Variants in SPRY3 observed in about 807,000 individuals in gnomAD.
The protein encoded by SPRY3 is sprouty RTK signaling antagonist 3, also known as protein sprouty homolog 3.
Under a neutral mutation model 20.2 loss-of-function variants are expected in SPRY3, and 15 were observed. That is an observed-to-expected ratio of 0.74 (90% CI 0.50 to 1.14). SPRY3 has a LOEUF of 1.14. SPRY3 is among the 50% of genes most tolerant of loss of function. The pLI, the probability that SPRY3 is intolerant of heterozygous loss-of-function variation, is 0.00. For missense variants in SPRY3, 364 were observed against 363.9 expected, an observed-to-expected ratio of 1.00 and a Z score of 0.00; for synonymous variants, 143 against 136.5, an observed-to-expected ratio of 1.05 and a Z score of -0.33.
At chrX:155,684,227 T>C (rs764193499) in intron 2 of SPRY3, among the ~76,000 whole-genome samples, 1 of 110,945 alleles carries the variant, frequency 9.0e-6, no homozygotes, top group South Asian at 3.9e-4. Context: ...TCCTTTTTGC[T>C]TCCTGAATAT....
At chrX:155,655,727 T>G (rs1204322906) in intron 1 of SPRY3, among the ~76,000 whole-genome samples, 2 of 111,516 alleles carry the variant, frequency 1.8e-5, no homozygotes, top group African/African-American at 6.5e-5. Flanking sequence ...CGTGCTGTTT[T>G]TGCAGTGACT....
At chrX:155,632,344 C>T (rs2067909396) in intron 1 of SPRY3, among the ~76,000 whole-genome samples, 1 of 110,738 alleles carries the variant, frequency 9.0e-6, no homozygotes, top group Admixed American at 9.6e-5. Context: ...CTGTATTAGT[C>T]GCCTAGTGCT....
In SPRY3 at chrX:155,708,099, A is replaced by T. The variant is rs183763445; in HGVS notation, c.-282+51074A>T. On this transcript the variant is annotated intron_variant, in intron 2 of 3. Coordinates refer to ENST00000675360, the Ensembl canonical transcript of SPRY3. Reference sequence around the variant, plus strand: ...TATTTTGTTAATGGCTGCTCCAGGGATTACAATATGGCTCTTAATTTATCA... The same window carrying T: ...TATTTTGTTAATGGCTGCTCCAGGGTTTACAATATGGCTCTTAATTTATCA... Among the ~76,000 whole-genome samples, 192 of 151,200 alleles carry T rather than the reference A, an allele frequency of 1.3e-3. No homozygotes were observed. In the East Asian group the frequency reaches 0.034, roughly 26 times the overall value.
intron 2 of SPRY3, among the ~76,000 whole-genome samples, chrX:155,767,012 T>C (rs2091335238): frequency 6.6e-6 from 1 of 152,098 alleles, no homozygotes; most frequent in Admixed American, 6.5e-5. Context: ...TTGGTAGAAA[T>C]GTGATTGGCA....
intron 2 of SPRY3, among the ~76,000 whole-genome samples, chrX:155,727,662 G>A (rs970938934): frequency 2.0e-5 from 3 of 152,076 alleles, no homozygotes; most frequent in Non-Finnish European, 4.4e-5. Flanking sequence ...GTCATGTAAG[G>A]TCTTCTCTAC....
chrX:155,679,040 C>A (rs189626042), intron 2 of SPRY3, among the ~76,000 whole-genome samples: 1 of 110,279 alleles, frequency 9.1e-6, no homozygotes, highest in Admixed American at 9.7e-5. Context: ...CACACCAGGG[C>A]CTGTAGGGGC....
intron 2 of SPRY3, among the ~76,000 whole-genome samples, chrX:155,683,371 C>T (rs777912411): frequency 1.5e-4 from 17 of 111,990 alleles, no homozygotes; most frequent in Non-Finnish European, 2.4e-4. Flanking sequence ...CAACCACCAC[C>T]CTGATCAGTC....
At chrX:155,774,171 G>A in exon 4 of SPRY3, 1 of 1,613,958 alleles carries the variant, frequency 6.2e-7, no homozygotes, top group Non-Finnish European at 8.5e-7. Flanking sequence ...AAAGGCTCTT[G>A]GCCAGCATTA....
chrX:155,776,382 G>T (rs1280075789), exon 4 of SPRY3: 1 of 167,096 alleles, frequency 6.0e-6, no homozygotes, highest in Non-Finnish European at 1.5e-5. Context: ...GCAGCTGCCT[G>T]AGAACTTAAA....
chrX:155,781,831 G>C (rs1474379188), exon 2 of SPRY3: 3 of 166,224 alleles, frequency 1.8e-5, no homozygotes, highest in Non-Finnish European at 4.4e-5. Flanking sequence ...GTGTCTACCT[G>C]ATAGCATGTA....
intron 1 of SPRY3, among the ~76,000 whole-genome samples, chrX:155,629,772 A>T (rs1557350276): frequency 8.9e-6 from 1 of 112,242 alleles, no homozygotes; most frequent in Non-Finnish European, 1.9e-5. Flanking sequence ...TTTTTAAATC[A>T]GGTTATTTGT....
chrX:155,765,619 A>G (rs1300925603), intron 2 of SPRY3, among the ~76,000 whole-genome samples: 1 of 152,146 alleles, frequency 6.6e-6, no homozygotes, highest in Non-Finnish European at 1.5e-5. Context: ...CATCAATTTA[A>G]CTTTTTTTGT....
rs182782253 is a variant in SPRY3 at position 155,772,545 on chromosome X, G to A, written c.-106-1221G>A. 5.9e-4 allele frequency among the ~76,000 whole-genome samples: 90 copies of A among 152,058 alleles called. 1 individual carries two copies. Among genetic ancestry groups the A allele is most frequent in the South Asian group, 1.0e-3 (5 of 4,802 alleles). On this transcript the variant is annotated intron_variant, in intron 3 of 3. Coordinates refer to ENST00000675360, the Ensembl canonical transcript of SPRY3. The stretch of plus-strand genomic sequence containing the variant: ...TTTATTCATGCTAGTGTTTTGCTAC[G>A]TCCTAATGCCTCCAGGATGTTTCCT...
intron 2 of SPRY3, among the ~76,000 whole-genome samples, chrX:155,706,254 C>G (rs1375675375): frequency 6.6e-6 from 1 of 151,176 alleles, no homozygotes; most frequent in African/African-American, 2.4e-5. Flanking sequence ...CAACATCCAT[C>G]TAAGTCACCC....
chrX:155,736,040 C>G (rs1483657878), intron 2 of SPRY3, among the ~76,000 whole-genome samples: 2 of 151,880 alleles, frequency 1.3e-5, no homozygotes, highest in Non-Finnish European at 2.9e-5. Flanking sequence ...TAATCTAAAT[C>G]TACTTTCAAA....
intron 1 of SPRY3, among the ~76,000 whole-genome samples, chrX:155,628,019 G>A (rs1420794919): frequency 9.0e-6 from 1 of 111,533 alleles, no homozygotes; most frequent in Non-Finnish European, 1.9e-5. Flanking sequence ...AGTATTCCAT[G>A]GTGTATATGT....
chrX:155,625,405 A>G (rs1325207685), intron 1 of SPRY3, among the ~76,000 whole-genome samples: 3 of 111,789 alleles, frequency 2.7e-5, no homozygotes, highest in Middle Eastern at 8.5e-3. Context: ...AAACTGTTTT[A>G]TTCAATATAA....
intron 2 of SPRY3, among the ~76,000 whole-genome samples, chrX:155,716,709 T>G (rs1478888765): frequency 1.3e-5 from 2 of 152,038 alleles, no homozygotes; most frequent in Non-Finnish European, 2.9e-5. Flanking sequence ...ATCATAACTT[T>G]TTTTTAATCC....
chrX:155,616,128 C>CTCCT (rs1557348853), intron 1 of SPRY3, among the ~76,000 whole-genome samples: 1 of 48,147 alleles, frequency 2.1e-5, no homozygotes, highest in East Asian at 7.7e-4. Context: ...CTCTCTCTCT[C>CTCCT]TCCTCTCTCT....
Sources: gnomAD v4.1 joint callset for allele counts (sites outside exome capture counted in the v4.1 genomes callset) on GRCh38, gnomAD v4.1.1 for gene constraint, MANE v1.5 for transcripts, NCBI Gene and HGNC (gene_info 2026-07-23, HGNC 2026-07-21) for gene names.